PALLD: variants seen among roughly 807,000 people sequenced by gnomAD.
PALLD encodes the protein palladin, cytoskeletal associated protein, also known as palladin.
In PALLD, 61 loss-of-function variants were observed where a neutral mutation model predicts 123.5. The observed-to-expected ratio is 0.49, with a 90% confidence interval of 0.40 to 0.61. The LOEUF (loss-of-function observed/expected upper bound fraction) is 0.61, where lower values mean the gene tolerates loss of function less well. Ranked by LOEUF, PALLD falls within the 20% of genes least tolerant of loss-of-function variation. PALLD has a pLI of 0.00. For synonymous variants in PALLD, 465 were observed against 496.4 expected, an observed-to-expected ratio of 0.94 and a Z score of 0.84; for missense variants, 1,273 against 1,377.0, an observed-to-expected ratio of 0.92 and a Z score of 1.20.
rs150954067 is a variant in PALLD, at chr4:168,558,293, A to G, written c.908+45881A>G. 1.1e-4 allele frequency among the ~76,000 whole-genome samples: 16 copies of G among 152,350 alleles called. No individual in the cohort carries two copies. In the East Asian group the frequency reaches 3.1e-3, roughly 29 times the overall value. On this transcript the variant is annotated intron_variant, in intron 2 of 21. Coordinates refer to ENST00000505667, the MANE Select transcript of PALLD (RefSeq NM_001166108.2). ...CTGGCTCCTCCACACAAAGGCACTC[A>G]GATCTCCTTTCCTGTGAAACTTTCC...
chr4:168,503,893 C>T (rs931091380), intron 1 of PALLD, among the ~76,000 whole-genome samples: 34 of 152,016 alleles, frequency 2.2e-4, no homozygotes, highest in Non-Finnish European at 3.1e-4. Flanking sequence ...TCTCATCAGC[C>T]GGGGAGCATC....
rs544674754 is a variant in PALLD at position 168,673,502 on chromosome 4, G to A, written c.1087+5134G>A. On this transcript the variant is annotated intron_variant, in intron 3 of 21. Transcript: ENST00000505667. Reference sequence around the variant, plus strand: ...TAGCTCAGAGGCTTGGGCCGCAGCCGGGGTATGCCGGACACAGGGCCTATA... The same window carrying A: ...TAGCTCAGAGGCTTGGGCCGCAGCCAGGGTATGCCGGACACAGGGCCTATA... Among the ~76,000 whole-genome samples, 5 of 152,344 alleles carry A rather than the reference G, an allele frequency of 3.3e-5. No homozygotes were observed. In the South Asian group the frequency reaches 6.2e-4, roughly 19 times the overall value.
At chr4:168,824,536 C>A (rs979975073) in intron 10 of PALLD, among the ~76,000 whole-genome samples, 1 of 152,066 alleles carries the variant, frequency 6.6e-6, no homozygotes, top group African/African-American at 2.4e-5. Flanking sequence ...TTCTCAAAAT[C>A]ATTGAACTTT....
At chr4:168,895,566 A>G (rs1754949053) in intron 12 of PALLD, among the ~76,000 whole-genome samples, 1 of 152,254 alleles carries the variant, frequency 6.6e-6, no homozygotes, top group Non-Finnish European at 1.5e-5. Context: ...TACAAAGAAC[A>G]TCTTAAGGAA....
intron 10 of PALLD, among the ~76,000 whole-genome samples, chr4:168,803,312 A>G (rs763666444): frequency 1.3e-5 from 2 of 152,224 alleles, no homozygotes; most frequent in Admixed American, 1.3e-4. Flanking sequence ...GAAGTGCCAC[A>G]CACTCTTAAA....
At position 168,844,637 on chromosome 4, in the gene PALLD, A is replaced by G. The variant is rs566284813; in HGVS notation, c.1965-46285A>G. On this transcript the variant is annotated intron_variant, in intron 10 of 21. Transcript: ENST00000505667. This position sits in a 1 kb window ranked among gnomAD's most constrained non-coding sequence, Gnocchi z 4.5. ...ATTTATTAGAATATATGAGGTGGAA[A>G]AAAAAGTTGTGCAACAGGAGATTGG... 2.2e-4 allele frequency: 33 copies of G among 152,310 alleles called. No individual in the cohort carries two copies. Among genetic ancestry groups the G allele is most frequent in the Non-Finnish European group, 3.1e-4 (21 of 68,028 alleles). The allele number at this position is 152,310 out of a possible 1,614,324, so 9.4% of individuals were successfully genotyped here.
At chr4:168,585,771 G>T (rs540778483) in intron 2 of PALLD, among the ~76,000 whole-genome samples, 1 of 152,104 alleles carries the variant, frequency 6.6e-6, no homozygotes, top group Non-Finnish European at 1.5e-5. Context: ...AGCAGCCCAC[G>T]CCTGCTCTTA....
chr4:168,542,717 C>CATAT (rs70961531), intron 2 of PALLD, among the ~76,000 whole-genome samples: 958 of 88,004 alleles, frequency 0.011, 19 homozygotes, highest in African/African-American at 0.015. Flanking sequence ...CTAACCTTTC[C>CATAT]ATATATATAT....
chr4:168,892,041 A>G (rs1754227766), intron 11 of PALLD, among the ~76,000 whole-genome samples: 1 of 152,194 alleles, frequency 6.6e-6, no homozygotes, highest in Non-Finnish European at 1.5e-5. Context: ...ACCTAAATAG[A>G]TTTGGTAAAA....
At chr4:168,623,218 A>G (rs1774927768) in intron 2 of PALLD, among the ~76,000 whole-genome samples, 1 of 152,196 alleles carries the variant, frequency 6.6e-6, no homozygotes, top group Non-Finnish European at 1.5e-5. Context: ...GTACTACCTG[A>G]AGGATCCAAA....
intron 10 of PALLD, among the ~76,000 whole-genome samples, chr4:168,736,422 G>C (rs6822949): frequency 0.06 from 9,156 of 152,206 alleles, 736 homozygotes; most frequent in East Asian, 0.32. Context: ...AATACCAAGT[G>C]CTGTCACCAT....
intron 10 of PALLD, among the ~76,000 whole-genome samples, chr4:168,828,722 C>T (rs1370039997): frequency 6.6e-6 from 1 of 152,166 alleles, no homozygotes; most frequent in African/African-American, 2.4e-5. Context: ...GAATTGAGCC[C>T]AATGTTTCAT....
intron 2 of PALLD, among the ~76,000 whole-genome samples, chr4:168,578,348 T>C (rs1211821245): frequency 6.6e-6 from 1 of 152,018 alleles, no homozygotes; most frequent in Non-Finnish European, 1.5e-5. Context: ...CAGTGGGAGG[T>C]AATTTAATCA....
rs943155016 is a variant in PALLD, at chr4:168,711,639, A to T, written c.1680A>T (p.Gln560His). The T allele has an allele frequency of 4.3e-6, 7 of 1,614,098 alleles. No homozygotes were observed. The highest frequency in any genetic ancestry group is 5.9e-6 in the Non-Finnish European group (7 of 1,180,002). Residue 560 changes from glutamine to histidine, a missense_variant, in exon 10 of 22, where the codon CAA becomes CAT. Physicochemically the swap from Gln to His is conservative, Grantham distance 24 (BLOSUM62 0). Transcript: ENST00000505667. ...SMGESNNDHFQHFPPPPPILE... is the reference protein window; with the variant it reads ...SMGESNNDHFHHFPPPPPILE... Reference sequence around the variant, plus strand: ...GAGAATCCAACAATGACCACTTCCAACACTTTCCACCTCCCCCTCCAATCT... The same window carrying T: ...GAGAATCCAACAATGACCACTTCCATCACTTTCCACCTCCCCCTCCAATCT...
chr4:168,645,568 C>T (rs1777366776), intron 2 of PALLD, among the ~76,000 whole-genome samples: 1 of 152,140 alleles, frequency 6.6e-6, no homozygotes, highest in Non-Finnish European at 1.5e-5. Flanking sequence ...CCTCCCTGGG[C>T]CTCAGTTTCC....
rs558323826 is a variant in PALLD at position 168,773,228 on chromosome 4, G to A, written c.1964+61305G>A. On this transcript the variant is annotated intron_variant, in intron 10 of 21. Transcript: ENST00000505667. ...TTGTCTTAAAGTGAATAACTGTAAA[G>A]CCATGTGTGATCTGAACCCCCGAGC... Among the ~76,000 whole-genome samples, 30 of 152,236 alleles carry A rather than the reference G, an allele frequency of 2.0e-4. 1 individual carries two copies. Among genetic ancestry groups the A allele is most frequent in the African/African-American group, 7.0e-4 (29 of 41,538 alleles).
rs540490219 is a variant in PALLD at position 168,869,757 on chromosome 4, A to G, written c.1965-21165A>G. Among the ~76,000 whole-genome samples, 1 of 152,282 alleles carries G rather than the reference A, an allele frequency of 6.6e-6. No homozygotes were observed. The highest frequency in any genetic ancestry group is 1.9e-4 in the East Asian group (1 of 5,180). ...ACATAAGTTTGAAGTGAAGTAGCAC[A>G]TTTATGTTACATGGAAGTGGATAGT... On this transcript the variant is annotated intron_variant, in intron 10 of 21. Transcript: ENST00000505667. This position sits in a 1 kb window ranked among gnomAD's most constrained non-coding sequence, Gnocchi z 4.5.
intron 2 of PALLD, among the ~76,000 whole-genome samples, chr4:168,642,693 C>T (rs1038329999): frequency 7.2e-5 from 11 of 152,252 alleles, no homozygotes; most frequent in African/African-American, 1.4e-4. Context: ...TGAGCCACCA[C>T]GCCTGGCAGG....
At chr4:168,796,174 C>A (rs149173367) in intron 10 of PALLD, among the ~76,000 whole-genome samples, 1 of 152,050 alleles carries the variant, frequency 6.6e-6, no homozygotes, top group Non-Finnish European at 1.5e-5. Context: ...ACCCATCAAC[C>A]ACCCTCACCT....
Sources: allele counts gnomAD v4.1 joint callset (sites outside exome capture counted in the v4.1 genomes callset), GRCh38; gene constraint gnomAD v4.1.1; non-coding constraint Gnocchi (gnomAD v3.1); transcripts MANE v1.5; gene names NCBI Gene and HGNC (gene_info 2026-07-23, HGNC 2026-07-21).